Variants in STOX2 observed in about 807,000 individuals in gnomAD.
The protein encoded by STOX2 is storkhead box 2, also known as storkhead-box protein 2.
In STOX2, 28 loss-of-function variants were observed where a neutral mutation model predicts 60.9. The ratio of observed to expected loss-of-function variants is 0.46; its 90% CI spans 0.34 to 0.63. STOX2 has a LOEUF of 0.63. STOX2 is among the 30% of genes least tolerant of loss of function. The pLI is 0.01. For synonymous variants in STOX2, 472 were observed against 463.9 expected (o/e 1.02, Z -0.22); for missense variants, 1,024 against 1,187.7 (o/e 0.86, Z 2.03).
intron 1 of STOX2, among the ~76,000 whole-genome samples, chr4:183,941,383 C>T (rs1171211243): frequency 6.6e-6 from 1 of 152,176 alleles, no homozygotes; most frequent in African/African-American, 2.4e-5. Context: ...GTCTGGGTAA[C>T]ATGGCAAAAC....
intron 1 of STOX2, among the ~76,000 whole-genome samples, chr4:183,927,879 T>C (rs1742290001): frequency 6.6e-6 from 1 of 152,154 alleles, no homozygotes; most frequent in Admixed American, 6.5e-5. Context: ...TGCAGGTAAG[T>C]GAGCACACCC....
chr4:183,969,962 T>A (rs923861611), intron 1 of STOX2, among the ~76,000 whole-genome samples: 3 of 152,106 alleles, frequency 2.0e-5, no homozygotes, highest in Non-Finnish European at 4.4e-5. Flanking sequence ...ATATCTTGTG[T>A]TGGGGAAACT....
intron 1 of STOX2, among the ~76,000 whole-genome samples, chr4:183,883,321 A>AT (rs200527349): frequency 0.49 from 73,248 of 148,380 alleles, 18,757 homozygotes; most frequent in East Asian, 0.6. Context: ...ACATGTTATA[A>AT]ATTTTTTTTT....
chr4:183,832,566 C>T (rs1739597221), intron 1 of STOX2, among the ~76,000 whole-genome samples: 1 of 143,082 alleles, frequency 7.0e-6, no homozygotes, highest in Admixed American at 7.4e-5. Context: ...TCTCGGCTCA[C>T]TGCAATCTCT....
At chr4:183,837,397 A>G (rs969985252) in intron 1 of STOX2, among the ~76,000 whole-genome samples, 1 of 151,636 alleles carries the variant, frequency 6.6e-6, no homozygotes, top group Non-Finnish European at 1.5e-5. Context: ...AAGTGGAATC[A>G]TACAGTATTT....
At chr4:183,919,660 C>T (rs1387068429) in intron 1 of STOX2, among the ~76,000 whole-genome samples, 1 of 152,156 alleles carries the variant, frequency 6.6e-6, no homozygotes, top group Non-Finnish European at 1.5e-5. Flanking sequence ...GGCTGGAGTG[C>T]AGTGGTACTA....
chr4:183,893,287 G>A (rs1413389784), intron 1 of STOX2, among the ~76,000 whole-genome samples: 1 of 152,168 alleles, frequency 6.6e-6, no homozygotes, highest in Admixed American at 6.5e-5. Context: ...AAGTGATCAC[G>A]TGGAAACCCT....
At position 184,009,949 on chromosome 4, in the gene STOX2, C is replaced by G. The variant is rs772535660; in HGVS notation, c.1111C>G (p.Arg371Gly). ...TCATCGGAAGTCCCATGGAAAGTCT[C>G]GGTCTCACAGCAAGACACGGGTGTC... ...RTHRKSHGKS[R>G]SHSKTRVSKG... The change falls in exon 3 of 4, where the codon CGG (arginine) becomes GGG (glycine). Residue 371 changes from arginine to glycine, a missense_variant. Arg to Gly is a moderately radical substitution (Grantham distance 125, BLOSUM62 -2). Transcript: ENST00000308497. The surrounding 1 kb of genome is among the most constrained non-coding windows in gnomAD (Gnocchi z 4.0). 1 of 1,613,562 alleles carries G rather than the reference C, an allele frequency of 6.2e-7. No individual in the cohort carries two copies. The highest frequency in any genetic ancestry group is 1.7e-5 in the Admixed American group (1 of 59,978).
chr4:183,884,702 C>T (rs1741040898), intron 1 of STOX2, among the ~76,000 whole-genome samples: 2 of 152,058 alleles, frequency 1.3e-5, no homozygotes, highest in South Asian at 2.1e-4. Context: ...TTTAGGCTGG[C>T]GTGACATTTT....
chr4:184,013,964 A>T (rs942189836), intron 3 of STOX2: 1 of 152,094 alleles, frequency 6.6e-6, no homozygotes, highest in Non-Finnish European at 1.5e-5. Context: ...TTTTAAAAAA[A>T]TTTTTGTAGA....
At chr4:183,984,944 C>T (rs987399202) in intron 1 of STOX2, among the ~76,000 whole-genome samples, 4 of 152,124 alleles carry the variant, frequency 2.6e-5, no homozygotes, top group African/African-American at 4.8e-5. Flanking sequence ...ATCAGCAGAC[C>T]GTTCTTGTCT....
intron 1 of STOX2, among the ~76,000 whole-genome samples, chr4:183,980,391 G>A (rs556185152): frequency 1.1e-4 from 16 of 152,278 alleles, no homozygotes; most frequent in East Asian, 7.7e-4. Context: ...TTCACCAGGC[G>A]AACACAACAG....
At position 184,017,218 on chromosome 4, in the gene STOX2, G is replaced by A. The variant is rs751175347; in HGVS notation, c.2715G>A (p.Pro905=). The part of the protein sequence containing the change: ...AFNFRASAEP[P]TNEAEKLQKP... Reference sequence around the variant, plus strand: ...ACTTCCGAGCGAGCGCGGAGCCCCCGACAAATGAAGCTGAGAAGCTACAGA... The same window carrying A: ...ACTTCCGAGCGAGCGCGGAGCCCCCAACAAATGAAGCTGAGAAGCTACAGA... Residue 905 remains proline, a synonymous_variant, in exon 4 of 4, where the codon CCG becomes CCA. Transcript: ENST00000308497. The A allele has an allele frequency of 3.7e-6, 6 of 1,609,880 alleles. No individual in the cohort carries two copies. The highest frequency in any genetic ancestry group is 2.7e-5 in the African/African-American group (2 of 74,974).
intron 1 of STOX2, among the ~76,000 whole-genome samples, chr4:183,973,872 T>G (rs997043349): frequency 6.6e-6 from 1 of 152,184 alleles, no homozygotes; most frequent in Non-Finnish European, 1.5e-5. Context: ...CGCATGCCTG[T>G]AGTCCCAGCT....
intron 1 of STOX2, among the ~76,000 whole-genome samples, chr4:183,998,166 T>C (rs1444266960): frequency 1.3e-5 from 2 of 152,222 alleles, no homozygotes; most frequent in Non-Finnish European, 2.9e-5. Flanking sequence ...TTCTTAGTTA[T>C]ATAATAGGCA....
chr4:183,867,742 G>A (rs760656794), intron 1 of STOX2, among the ~76,000 whole-genome samples: 24 of 152,172 alleles, frequency 1.6e-4, no homozygotes, highest in Admixed American at 5.2e-4. Flanking sequence ...AGTATTAATC[G>A]TGCTCCCTTG....
At chr4:183,810,417 T>G (rs1739008172) in intron 1 of STOX2, among the ~76,000 whole-genome samples, 1 of 152,142 alleles carries the variant, frequency 6.6e-6, no homozygotes, top group Non-Finnish European at 1.5e-5. Context: ...GGTTTTGCAG[T>G]AGGGGAGAGA....
intron 1 of STOX2, among the ~76,000 whole-genome samples, chr4:183,874,953 ATATATATATATAT>A (rs1459454186): frequency 0.015 from 362 of 24,632 alleles, 23 homozygotes; most frequent in Middle Eastern, 0.036. Flanking sequence ...AAAAAAAAAA[ATATATATATATAT>A]ATATATATAT....
chr4:183,971,861 G>C (rs1743752004), intron 1 of STOX2, among the ~76,000 whole-genome samples: 1 of 152,168 alleles, frequency 6.6e-6, no homozygotes, highest in South Asian at 2.1e-4. Context: ...GCGTGTAGCT[G>C]AGACCATGGG....
Sources: allele counts gnomAD v4.1 joint callset (sites outside exome capture counted in the v4.1 genomes callset), GRCh38; gene constraint gnomAD v4.1.1; non-coding constraint Gnocchi (gnomAD v3.1); transcripts MANE v1.5; gene names NCBI Gene and HGNC (gene_info 2026-07-23, HGNC 2026-07-21).